LPP: variants seen among roughly 807,000 people sequenced by gnomAD.
LPP encodes the protein lipoma-preferred partner.
A neutral mutation model predicts 60.4 loss-of-function variants in LPP; 38 were observed. The ratio of observed to expected loss-of-function variants is 0.63; its 90% CI spans 0.49 to 0.83. The LOEUF is 0.83. Ranked by LOEUF, LPP falls within the 40% of genes least tolerant of loss-of-function variation. LPP has a pLI of 0.00. For synonymous variants in LPP, 328 were observed against 290.8 expected (o/e 1.13, Z -1.30); for missense variants, 902 against 783.6 (o/e 1.15, Z -1.80).
chr3:188,753,150 G>A (rs901168882), intron 8 of LPP, among the ~76,000 whole-genome samples: 1 of 152,194 alleles, frequency 6.6e-6, no homozygotes, highest in Non-Finnish European at 1.5e-5. Context: ...TTCTGCCTTT[G>A]AGACTTTGGC....
At chr3:188,689,233 AAATCACT>A (rs1467007761) in intron 7 of LPP, among the ~76,000 whole-genome samples, 3 of 152,222 alleles carry the variant, frequency 2.0e-5, no homozygotes, top group Non-Finnish European at 4.4e-5. Flanking sequence ...GTCAGTGATC[AAATCACT>A]GGCTCTAGGC....
At chr3:188,523,894 C>T (rs368547705) in intron 5 of LPP, among the ~76,000 whole-genome samples, 1 of 28,690 alleles carries the variant, frequency 3.5e-5, no homozygotes, top group South Asian at 9.5e-4. Flanking sequence ...GGTCATCTCA[C>T]TTTATAATCC....
chr3:188,730,050 GT>G (rs1246559744), intron 8 of LPP, among the ~76,000 whole-genome samples: 4 of 152,104 alleles, frequency 2.6e-5, no homozygotes, highest in Non-Finnish European at 5.9e-5. Flanking sequence ...TGGCCATGAT[GT>G]TTTAAAAGTA....
intron 8 of LPP, among the ~76,000 whole-genome samples, chr3:188,722,775 C>A (rs1716958062): frequency 6.6e-6 from 1 of 152,110 alleles, no homozygotes; most frequent in African/African-American, 2.4e-5. Flanking sequence ...TTGTGGGAAT[C>A]AAATTAAATA....
At chr3:188,251,390 A>T (rs1729587388) in intron 2 of LPP, among the ~76,000 whole-genome samples, 1 of 151,534 alleles carries the variant, frequency 6.6e-6, no homozygotes, top group Non-Finnish European at 1.5e-5. Flanking sequence ...TTATGTCCTC[A>T]CTCTTTTTAT....
At chr3:188,165,801 T>A (rs1719758147) in intron 1 of LPP, among the ~76,000 whole-genome samples, 1 of 151,820 alleles carries the variant, frequency 6.6e-6, no homozygotes, top group Non-Finnish European at 1.5e-5. Context: ...AGTCACAGAG[T>A]CTTCTCATTT....
At chr3:188,702,148 G>C (rs928422357) in intron 7 of LPP, among the ~76,000 whole-genome samples, 1 of 151,330 alleles carries the variant, frequency 6.6e-6, no homozygotes, top group African/African-American at 2.4e-5. Flanking sequence ...AGTAGAGGTG[G>C]GATTTCACCA....
intron 5 of LPP, among the ~76,000 whole-genome samples, chr3:188,519,639 G>A (rs1818330484): frequency 6.6e-6 from 1 of 152,046 alleles, no homozygotes. Context: ...CTTAGGAGAT[G>A]CAAACTGAGG....
chr3:188,211,920 A>G (rs1216655372), intron 1 of LPP, among the ~76,000 whole-genome samples: 1 of 151,600 alleles, frequency 6.6e-6, no homozygotes, highest in Non-Finnish European at 1.5e-5. Flanking sequence ...GTGCAATGGC[A>G]CAGTCATGGC....
intron 3 of LPP, among the ~76,000 whole-genome samples, chr3:188,353,516 A>G (rs910569841): frequency 5.3e-5 from 8 of 152,228 alleles, no homozygotes; most frequent in Non-Finnish European, 8.8e-5. Context: ...TTGACTGCTC[A>G]AATTTACCTC....
chr3:188,834,172 ACT>A (rs1161897251), intron 9 of LPP, among the ~76,000 whole-genome samples: 3 of 151,876 alleles, frequency 2.0e-5, no homozygotes, highest in Non-Finnish European at 4.4e-5. Flanking sequence ...GTCTGTGCAC[ACT>A]CTATTCTCCT....
At chr3:188,206,299 G>A (rs776034202) in intron 1 of LPP, among the ~76,000 whole-genome samples, 88 of 152,158 alleles carry the variant, frequency 5.8e-4, no homozygotes, top group Non-Finnish European at 9.7e-4. Context: ...GGACCTTCAG[G>A]ATGTCCCGAG....
chr3:188,414,740 A>G (rs764708747), intron 4 of LPP, among the ~76,000 whole-genome samples: 4 of 152,166 alleles, frequency 2.6e-5, no homozygotes, highest in African/African-American at 4.8e-5. Context: ...TAAATAACCA[A>G]TGAAAATTCT....
chr3:188,369,283 T>A (rs1772284757), intron 3 of LPP, among the ~76,000 whole-genome samples: 1 of 152,028 alleles, frequency 6.6e-6, no homozygotes, highest in East Asian at 1.9e-4. Context: ...AGGTTGGGGA[T>A]CACAGGAAAG....
intron 2 of LPP, among the ~76,000 whole-genome samples, chr3:188,269,804 C>T (rs1056834684): frequency 8.6e-5 from 13 of 151,988 alleles, no homozygotes; most frequent in Non-Finnish European, 1.5e-4. Flanking sequence ...GCGCGTGCCA[C>T]CACGCCCTAA....
intron 9 of LPP, among the ~76,000 whole-genome samples, chr3:188,843,736 G>C (rs369378810): frequency 1.5e-3 from 206 of 136,062 alleles, no homozygotes; most frequent in African/African-American, 5.4e-3. Context: ...GCAGGGAGCC[G>C]AGATCGCGCC....
chr3:188,667,587 G>T (rs1856076841), intron 7 of LPP, among the ~76,000 whole-genome samples: 1 of 151,206 alleles, frequency 6.6e-6, no homozygotes, highest in Non-Finnish European at 1.5e-5. Context: ...CCAGATGTGG[G>T]AACTGTGGCT....
At position 188,406,360 on chromosome 3, in the gene LPP, A is replaced by G. The variant is rs765604441; in HGVS notation, c.193+47A>G. 63 of 1,523,028 alleles carry G rather than the reference A, an allele frequency of 4.1e-5. No homozygotes were observed. The South Asian group carries it at 5.4e-4, about 13-fold the overall frequency. The allele number at this position is 1,523,028 out of a possible 1,614,324, so 94.3% of individuals were successfully genotyped here. On this transcript the variant is annotated intron_variant, in intron 4 of 11. Coordinates refer to ENST00000617246, the MANE Select transcript of LPP (RefSeq NM_001375462.1). ...TTGGTTACTTGGAGTAGGAAAATTC[A>G]GTTATATAGGTGATTTGTAGTACAA...
At chr3:188,697,001 G>T (rs1474755336) in intron 7 of LPP, among the ~76,000 whole-genome samples, 2 of 152,008 alleles carry the variant, frequency 1.3e-5, no homozygotes, top group Non-Finnish European at 1.5e-5. Flanking sequence ...CTCTTCTTTG[G>T]CTATAAGCTT....
Sources: gnomAD v4.1 joint callset for allele counts (sites outside exome capture counted in the v4.1 genomes callset) on GRCh38, gnomAD v4.1.1 for gene constraint, MANE v1.5 for transcripts, NCBI Gene and HGNC (gene_info 2026-07-23, HGNC 2026-07-21) for gene names.